Variants in TRIM29 observed in about 807,000 individuals in gnomAD.
TRIM29 encodes the protein tripartite motif-containing protein 29.
TRIM29 carries 52 observed loss-of-function variants against 57.3 expected under a neutral mutation model. The ratio of observed to expected loss-of-function variants is 0.91; its 90% confidence interval spans 0.73 to 1.14. The LOEUF (loss-of-function observed/expected upper bound fraction) is 1.14, where lower values mean the gene tolerates loss of function less well. Ranked by LOEUF, TRIM29 falls within the 50% of genes most tolerant of loss-of-function variation. The probability of loss-of-function intolerance (pLI) is 0.00; values close to 1 mark genes in which losing one functional copy is unlikely to be tolerated. For missense variants in TRIM29, 753 were observed against 774.6 expected (o/e 0.97, Z 0.33); for synonymous variants, 319 against 316.9 (o/e 1.01, Z -0.07).
At chr11:120,131,588 C>G (rs928025856) in intron 1 of TRIM29, among the ~76,000 whole-genome samples, 1 of 151,984 alleles carries the variant, frequency 6.6e-6, no homozygotes, top group Admixed American at 6.5e-5. Flanking sequence ...GCCTTGTTCC[C>G]ACAGCATGTC....
chr11:120,128,541 G>C (rs200436012), intron 1 of TRIM29, 46 bp from the exon 2 acceptor site: 74 of 1,585,726 alleles, frequency 4.7e-5, no homozygotes, highest in Non-Finnish European at 5.7e-5. Context: ...GGAGGAGATG[G>C]AAGAGAACCA....
At chr11:120,119,232 G>A (rs1195082840) in intron 6 of TRIM29, among the ~76,000 whole-genome samples, 1 of 152,146 alleles carries the variant, frequency 6.6e-6, no homozygotes, top group Non-Finnish European at 1.5e-5. Context: ...GGAGTGGGGG[G>A]CTCAGAGTCC....
intron 8 of TRIM29, among the ~76,000 whole-genome samples, chr11:120,113,182 C>T (rs1399253410): frequency 6.6e-6 from 1 of 152,186 alleles, no homozygotes; most frequent in African/African-American, 2.4e-5. Context: ...TCCCCACAGC[C>T]CTTTGCCTCT....
chr11:120,126,993 ACTCCTACACCACTCCCCCTCTACCC>A (rs1863604196), intron 3 of TRIM29, among the ~76,000 whole-genome samples: 2 of 152,016 alleles, frequency 1.3e-5, no homozygotes, highest in Non-Finnish European at 2.9e-5. Flanking sequence ...AATATGCAGC[ACTCCTACACCACTCCCCCTCTACCC>A]GATTCACTGA....
intron 4 of TRIM29, 29 bp from the exon 5 acceptor site, chr11:120,123,084 G>A (rs1797319683): frequency 6.2e-7 from 1 of 1,605,942 alleles, no homozygotes; most frequent in African/African-American, 1.3e-5. Context: ...GGTCAGCAGA[G>A]GAGCCAGGTG....
At chr11:120,117,088 C>T (rs1565312774) in intron 7 of TRIM29, 3 of 400,690 alleles carry the variant, frequency 7.5e-6, no homozygotes, top group Non-Finnish European at 1.5e-5. Context: ...ATTAGTGGCA[C>T]AGCGCTGGTC....
chr11:120,123,066 G>A lies in TRIM29; in HGVS notation c.1334-11C>T. 1 of 1,613,934 alleles carries A rather than the reference G, an allele frequency of 6.2e-7. No homozygotes were observed. The highest frequency in any genetic ancestry group is 8.5e-7 in the Non-Finnish European group (1 of 1,179,820). ...AGCGATGGTCACCACCTAGGAAGCA[G>A]AGGGTCGGGTCAGCAGAGGAGCCAG... On this transcript the variant is annotated splice_polypyrimidine_tract_variant and intron_variant, in intron 4 of 8. Transcript: ENST00000341846.
At chr11:120,123,397 C>T in intron 4 of TRIM29, 1 of 492,890 alleles carries the variant, frequency 2.0e-6, no homozygotes, top group South Asian at 1.5e-5. Context: ...GTTGTATCCC[C>T]CTGAGACAGA....
chr11:120,120,409 A>G (rs1486534122), intron 6 of TRIM29, among the ~76,000 whole-genome samples, 164 bp downstream of exon 6: 2 of 148,500 alleles, frequency 1.3e-5, no homozygotes, highest in Admixed American at 6.7e-5. Flanking sequence ...CTCGGTAGGT[A>G]GGACCCCTCC....
intron 1 of TRIM29, among the ~76,000 whole-genome samples, chr11:120,134,034 A>G (rs968021744): frequency 6.6e-6 from 1 of 152,138 alleles, no homozygotes; most frequent in African/African-American, 2.4e-5. Context: ...AGGAAGGGCC[A>G]TAAGACACAG....
rs765041046 is a variant in TRIM29 at position 120,125,886 on chromosome 11, A to C, written c.1138T>G (p.Phe380Val). The C allele has an allele frequency of 4.3e-6, 7 of 1,611,522 alleles. No homozygotes were observed. Among genetic ancestry groups the C allele is most frequent in the Non-Finnish European group, 5.9e-6 (7 of 1,178,016 alleles). Reference sequence around the variant, plus strand: ...GAGTAATTGCTCATCAATGCACCAAATTCCTACCAAGAAAGGAAAGAACCA... The same window carrying C: ...GAGTAATTGCTCATCAATGCACCAACTTCCTACCAAGAAAGGAAAGAACCA... ...ISDSVLFLQE[F>V]GALMSNYSLP... Residue 380 changes from phenylalanine to valine, a missense_variant, in exon 4 of 9, where the codon TTT (phenylalanine) becomes GTT (valine). By Grantham distance (50) the Phe-to-Val change is conservative. Coordinates refer to ENST00000341846, the MANE Select transcript of TRIM29 (RefSeq NM_012101.4).
Position 120,137,947 on chromosome 11 carries a change from G to C in TRIM29, c.85C>G (p.Leu29Val), listed in dbSNP as rs1290641593. The change falls in exon 1 of 9, where the codon CTG becomes GTG. Residue 29 changes from leucine to valine, a missense_variant. Physicochemically the swap from Leu to Val is conservative, Grantham distance 32. Transcript: ENST00000341846. This position sits in a 1 kb window ranked among gnomAD's most constrained non-coding sequence, Gnocchi z 6.2. Reference sequence around the variant, plus strand: ...CCGTCAGCCTTGGTGCCATTCTCCAGGCTGCCACTGGGGCCCGACGGGCTC... The same window carrying C: ...CCGTCAGCCTTGGTGCCATTCTCCACGCTGCCACTGGGGCCCGACGGGCTC... ...ARSPSGPSGS[L>V]ENGTKADGKD... The C allele has an allele frequency of 6.2e-7, 1 of 1,607,868 alleles. No individual in the cohort carries two copies. The highest frequency in any genetic ancestry group is 8.5e-7 in the Non-Finnish European group (1 of 1,179,996).
rs1021404684 is a variant in TRIM29 at position 120,111,657 on chromosome 11, T to C, written c.*757A>G. ...GTAGCTGGGCCAGTAGCTATTTGCA[T>C]GGGTGGATTATATCATGTTAAGGGA... On this transcript the variant is annotated 3_prime_UTR_variant, in exon 9 of 9. Transcript: ENST00000341846. 4.0e-4 allele frequency: 61 copies of C among 152,204 alleles called. No homozygotes were observed. The highest frequency in any genetic ancestry group is 1.5e-3 in the African/African-American group (61 of 41,442). 9.4% of individuals were successfully genotyped at this position (152,204 alleles called of 1,614,324 possible).
intron 1 of TRIM29, chr11:120,128,713 G>A (rs1565319580): frequency 6.5e-7 from 1 of 1,535,680 alleles, no homozygotes; most frequent in South Asian, 1.2e-5. Context: ...CCATCTTGCT[G>A]TATTCTCAGG....
Position 120,137,496 on chromosome 11 carries a change from T to C in TRIM29, c.536A>G (p.Asn179Ser), listed in dbSNP as rs781212005. ...GCAGGACTTGACCGCCTTCTGCTTGTTGCCGATGCAGGAGTCGCACAGCAC... is the reference window on the plus strand; with the variant it reads ...GCAGGACTTGACCGCCTTCTGCTTGCTGCCGATGCAGGAGTCGCACAGCAC... ...EEVLCDSCIGNKQKAVKSCLV... is the reference protein window; with the variant it reads ...EEVLCDSCIGSKQKAVKSCLV... The change falls in exon 1 of 9, where the codon AAC (asparagine) becomes AGC (serine). Residue 179 changes from asparagine to serine, a missense_variant. Coordinates refer to ENST00000341846, the MANE Select transcript of TRIM29 (RefSeq NM_012101.4). This position sits in a 1 kb window ranked among gnomAD's most constrained non-coding sequence, Gnocchi z 6.2. 4.4e-6 allele frequency: 7 copies of C among 1,602,460 alleles called. No homozygotes were observed. In the African/African-American group the frequency reaches 9.4e-5, roughly 21 times the overall value.
chr11:120,128,638 T>C lies in TRIM29; in HGVS notation c.805-143A>G, dbSNP rs913671421. 2.0e-6 allele frequency: 3 copies of C among 1,526,206 alleles called. No individual in the cohort carries two copies. The Admixed American group carries it at 5.9e-5, about 30-fold the overall frequency. 94.5% of individuals were successfully genotyped at this position (1,526,206 alleles called of 1,614,324 possible). The stretch of plus-strand genomic sequence containing the variant: ...ATTCAGCTCTTCATTCAGCAAACAT[T>C]CATCAGGACCTCGGATATGCCAGGC... On this transcript the variant is annotated intron_variant, in intron 1 of 8. Transcript: ENST00000341846.
chr11:120,115,591 G>T, intron 7 of TRIM29, 177 bp from the exon 8 acceptor site: 1 of 603,180 alleles, frequency 1.7e-6, no homozygotes. Flanking sequence ...GAAAATCCTG[G>T]GGAGGCTGGC....
intron 8 of TRIM29, 98 bp from the exon 9 acceptor site, chr11:120,112,574 T>C: frequency 7.6e-7 from 1 of 1,319,604 alleles, no homozygotes; most frequent in East Asian, 2.4e-5. Flanking sequence ...GCAGCAGTGA[T>C]CCAAGACCCG....
chr11:120,121,791 C>T (rs1273336115), intron 5 of TRIM29: 3 of 337,008 alleles, frequency 8.9e-6, no homozygotes, highest in East Asian at 7.6e-5. Flanking sequence ...AGGAGAGACC[C>T]GCAGGAGCCT....
Sources: allele counts gnomAD v4.1 joint callset (sites outside exome capture counted in the v4.1 genomes callset), GRCh38; gene constraint gnomAD v4.1.1; non-coding constraint Gnocchi (gnomAD v3.1); transcripts MANE v1.5; gene names NCBI Gene and HGNC (gene_info 2026-07-23, HGNC 2026-07-21).